The following PLEKHA2 variants were observed in gnomAD, a reference collection of about 807,000 sequenced individuals.
PLEKHA2 encodes the protein pleckstrin homology domain-containing family A member 2.
PLEKHA2 carries 28 observed loss-of-function variants against 53.2 expected under a neutral mutation model. The ratio of observed to expected loss-of-function variants is 0.53; its 90% CI spans 0.39 to 0.72. PLEKHA2 has a LOEUF of 0.72. Among genes scored for constraint, PLEKHA2 ranks in the 30% least tolerant of loss-of-function variants. PLEKHA2 has a pLI of 0.00. For missense variants in PLEKHA2, 426 were observed against 537.9 expected (o/e 0.79, Z 2.06); for synonymous variants, 193 against 196.4 (o/e 0.98, Z 0.14).
At chr8:38,964,255 C>T (rs1403250871) in intron 10 of PLEKHA2, among the ~76,000 whole-genome samples, 3 of 152,084 alleles carry the variant, frequency 2.0e-5, no homozygotes, top group South Asian at 2.1e-4. Flanking sequence ...TTTAGAGCAG[C>T]GATCCCCAAC....
chr8:38,962,797 G>C (rs547479967), intron 10 of PLEKHA2, among the ~76,000 whole-genome samples: 39 of 152,362 alleles, frequency 2.6e-4, no homozygotes, highest in South Asian at 1.0e-3. Context: ...GACAAGAGTA[G>C]CAATAAGTGG....
rs1835296460 is a variant in PLEKHA2 at position 38,973,795 on chromosome 8, A to T, written c.*4012A>T. The T allele has an allele frequency of 5.1e-6, 1 of 197,766 alleles. No individual in the cohort carries two copies. The highest frequency in any genetic ancestry group is 1.0e-5 in the Non-Finnish European group (1 of 98,570). The allele number at this position is 197,766 out of a possible 1,614,324, so 12.3% of individuals were successfully genotyped here. A position where few individuals can be genotyped will look rare whatever the true frequency, so the allele number is the denominator to read the frequency against. Reference sequence around the variant, plus strand: ...TGCACTCGCTGTAAGCTCTAGGCTGAGTGCATGGAAACTGTTACGCTTCTC... The same window carrying T: ...TGCACTCGCTGTAAGCTCTAGGCTGTGTGCATGGAAACTGTTACGCTTCTC... On this transcript the variant is annotated 3_prime_UTR_variant, in exon 12 of 12. Transcript: ENST00000617275.
At chr8:38,907,960 A>C (rs1833902993) in intron 1 of PLEKHA2, among the ~76,000 whole-genome samples, 1 of 151,774 alleles carries the variant, frequency 6.6e-6, no homozygotes, top group African/African-American at 2.4e-5. Flanking sequence ...GGCTCAAGAG[A>C]TTCTCCTGCC....
At chr8:38,913,912 G>A (rs1294326716) in intron 1 of PLEKHA2, among the ~76,000 whole-genome samples, 3 of 152,156 alleles carry the variant, frequency 2.0e-5, no homozygotes, top group African/African-American at 7.2e-5. Flanking sequence ...GAGCTGGGGC[G>A]GAAGCTTTGT....
intron 1 of PLEKHA2, among the ~76,000 whole-genome samples, chr8:38,914,906 G>T (rs1241043588): frequency 3.3e-5 from 5 of 151,946 alleles, no homozygotes; most frequent in African/African-American, 4.8e-5. Context: ...CACGGGCTGG[G>T]ACTTTCTTCT....
chr8:38,912,138 T>C (rs894602465), intron 1 of PLEKHA2, among the ~76,000 whole-genome samples: 12 of 151,970 alleles, frequency 7.9e-5, no homozygotes, highest in Admixed American at 7.9e-4. Context: ...CCATCTCTAC[T>C]AAAAATACAA....
chr8:38,943,735 C>A lies in PLEKHA2; in HGVS notation c.199-54C>A. The A allele has an allele frequency of 2.9e-6, 4 of 1,370,154 alleles. No homozygotes were observed. In the South Asian group the frequency reaches 4.1e-5, roughly 14 times the overall value. The allele number at this position is 1,370,154 out of a possible 1,614,324, so 84.9% of individuals were successfully genotyped here. A position where few individuals can be genotyped will look rare whatever the true frequency, so the allele number is the denominator to read the frequency against. On this transcript the variant is annotated intron_variant, in intron 3 of 11. Transcript: ENST00000617275. ...TATGAGAAATTTCACAATAAGAAAT[C>A]TTCAACATTGTAAGACACATATTCA...
intron 2 of PLEKHA2, among the ~76,000 whole-genome samples, chr8:38,927,950 G>A (rs1044407385): frequency 6.6e-6 from 1 of 151,866 alleles, no homozygotes; most frequent in Non-Finnish European, 1.5e-5. Context: ...AATGGAGAGT[G>A]GGGGGGCAGG....
chr8:38,926,007 A>G (rs1834280924), intron 2 of PLEKHA2, among the ~76,000 whole-genome samples: 1 of 152,234 alleles, frequency 6.6e-6, no homozygotes, highest in Admixed American at 6.5e-5. Flanking sequence ...AGTTAGTGAC[A>G]AATTTCTCCC....
chr8:38,937,508 T>A (rs570620435), intron 3 of PLEKHA2, among the ~76,000 whole-genome samples: 9 of 152,212 alleles, frequency 5.9e-5, no homozygotes, highest in South Asian at 4.1e-4. Flanking sequence ...CTTTTTTTTT[T>A]ATTTTTGGTT....
chr8:38,951,279 A>T (rs1834833779), intron 6 of PLEKHA2, among the ~76,000 whole-genome samples: 1 of 152,084 alleles, frequency 6.6e-6, no homozygotes, highest in African/African-American at 2.4e-5. Context: ...ACCATAGGAA[A>T]TGGGACAGAG....
At position 38,946,146 on chromosome 8, in the gene PLEKHA2, A is replaced by G. The variant is rs1024495605; in HGVS notation, c.270A>G (p.Arg90=). 1.8e-5 allele frequency: 29 copies of G among 1,607,784 alleles called. No homozygotes were observed. The highest frequency in any genetic ancestry group is 2.4e-5 in the Non-Finnish European group (28 of 1,177,086). Residue 90 remains arginine, a synonymous_variant, in exon 5 of 12, where the codon AGA becomes AGG. Transcript: ENST00000617275. ...FCFVINALSQ[R]YFLQANDQKD... ...TAGTTATCAATGCCCTGTCTCAGAG[A>G]TATTTCCTTCAAGCCAATGATCAGA...
At chr8:38,929,333 G>A (rs1215094739) in intron 2 of PLEKHA2, among the ~76,000 whole-genome samples, 2 of 152,242 alleles carry the variant, frequency 1.3e-5, no homozygotes, top group African/African-American at 4.8e-5. Flanking sequence ...TGGCACCCAA[G>A]AGCCAGTTGG....
chr8:38,906,753 A>C (rs1833883195), intron 1 of PLEKHA2, among the ~76,000 whole-genome samples: 1 of 152,222 alleles, frequency 6.6e-6, no homozygotes, highest in Admixed American at 6.5e-5. Context: ...ATGTGTTCTC[A>C]AATAGCCATG....
intron 10 of PLEKHA2, among the ~76,000 whole-genome samples, chr8:38,966,697 C>T (rs1037585914): frequency 6.6e-5 from 10 of 152,154 alleles, no homozygotes; most frequent in African/African-American, 1.9e-4. Flanking sequence ...ATAAGTAACT[C>T]GGCTTCATCC....
At chr8:38,956,486 CA>C (rs1834942608) in intron 9 of PLEKHA2, among the ~76,000 whole-genome samples, 1 of 152,086 alleles carries the variant, frequency 6.6e-6, no homozygotes, top group Non-Finnish European at 1.5e-5. Context: ...TAGGAGAGGC[CA>C]ATGGCAGTGG....
rs558864097 is a variant in PLEKHA2 at position 38,971,472 on chromosome 8, C to T, written c.*1689C>T. On this transcript the variant is annotated 3_prime_UTR_variant, in exon 12 of 12. Coordinates refer to ENST00000617275, the MANE Select transcript of PLEKHA2 (RefSeq NM_021623.2). Reference sequence around the variant, plus strand: ...AGCTCCTTAGCTCTGGTTTTACTCTCGTATTTTCCCCAAGAAAATTTTTTG... The same window carrying T: ...AGCTCCTTAGCTCTGGTTTTACTCTTGTATTTTCCCCAAGAAAATTTTTTG... 5 of 152,264 alleles carry T rather than the reference C, an allele frequency of 3.3e-5. No individual in the cohort carries two copies. Among genetic ancestry groups the T allele is most frequent in the East Asian group, 1.9e-4 (1 of 5,184 alleles). The allele number at this position is 152,264 out of a possible 1,614,324, so 9.4% of individuals were successfully genotyped here. A position where few individuals can be genotyped will look rare whatever the true frequency, so the allele number is the denominator to read the frequency against.
chr8:38,936,061 C>T lies in PLEKHA2; in HGVS notation c.198+11C>T, dbSNP rs1303594023. The stretch of plus-strand genomic sequence containing the variant: ...ACCTACATCTCGAAGGTAATGTTGA[C>T]CTGGAACTCTGGGAATTCATGCTCT... On this transcript the variant is annotated intron_variant, in intron 3 of 11. Transcript: ENST00000617275. 1 of 1,612,412 alleles carries T rather than the reference C, an allele frequency of 6.2e-7. No homozygotes were observed.
intron 1 of PLEKHA2, among the ~76,000 whole-genome samples, chr8:38,915,015 T>C (rs1308411761): frequency 6.6e-6 from 1 of 152,180 alleles, no homozygotes; most frequent in Non-Finnish European, 1.5e-5. Context: ...GGTGCTCTCA[T>C]GGTTCCCTGC....
Sources: gnomAD v4.1 joint callset for allele counts (sites outside exome capture counted in the v4.1 genomes callset) on GRCh38, gnomAD v4.1.1 for gene constraint, MANE v1.5 for transcripts, NCBI Gene and HGNC (gene_info 2026-07-23, HGNC 2026-07-21) for gene names.